HACD3: variants seen among roughly 807,000 people sequenced by gnomAD.
The protein encoded by HACD3 is 3-hydroxyacyl-CoA dehydratase 3.
HACD3 carries 30 observed loss-of-function variants against 55.2 expected under a neutral mutation model. The observed-to-expected ratio is 0.54, with a 90% CI of 0.41 to 0.74. The LOEUF (loss-of-function observed/expected upper bound fraction) is 0.74, where lower values mean the gene tolerates loss of function less well. Among genes scored for constraint, HACD3 ranks in the 30% least tolerant of loss-of-function variants. HACD3 has a pLI of 0.00. For synonymous variants in HACD3, 141 were observed against 151.7 expected, an observed-to-expected ratio of 0.93 and a Z score of 0.52; for missense variants, 363 against 440.1, an observed-to-expected ratio of 0.82 and a Z score of 1.57.
At chr15:65,547,836 A>G (rs2072092316) in intron 1 of HACD3, among the ~76,000 whole-genome samples, 1 of 152,212 alleles carries the variant, frequency 6.6e-6, no homozygotes, top group Non-Finnish European at 1.5e-5. Context: ...AGTTCACTTA[A>G]CAGTTATTGA....
intron 1 of HACD3, among the ~76,000 whole-genome samples, chr15:65,541,735 T>G (rs2072020832): frequency 6.6e-6 from 1 of 152,220 alleles, no homozygotes; most frequent in Admixed American, 6.5e-5. Flanking sequence ...TGGTATTCTT[T>G]GAAATTGTCT....
chr15:65,531,176 G>A (rs1238817857), intron 1 of HACD3: 1 of 146,406 alleles, frequency 6.8e-6, no homozygotes, highest in Non-Finnish European at 1.5e-5. Context: ...CAGGCCCCTC[G>A]GACGTTACTG....
At chr15:65,530,863 T>A in intron 1 of HACD3, 145 bp downstream of exon 1, 1 of 797,946 alleles carries the variant, frequency 1.3e-6, no homozygotes, top group Non-Finnish European at 1.9e-6. Context: ...TACGGCGTGC[T>A]GGCGCTTTTC....
At chr15:65,555,864 G>A (rs1191305603) in intron 3 of HACD3, among the ~76,000 whole-genome samples, 1 of 152,148 alleles carries the variant, frequency 6.6e-6, no homozygotes, top group Non-Finnish European at 1.5e-5. Context: ...AAATTTATAA[G>A]CTGAGGGTAA....
At chr15:65,533,913 G>A (rs1300343312) in intron 1 of HACD3, among the ~76,000 whole-genome samples, 5 of 151,904 alleles carry the variant, frequency 3.3e-5, no homozygotes, top group Admixed American at 6.6e-5. Flanking sequence ...TTAGCCAGGC[G>A]TGGTGGCGGG....
At chr15:65,575,170 A>C (rs1210086099) in intron 10 of HACD3, among the ~76,000 whole-genome samples, 1 of 151,524 alleles carries the variant, frequency 6.6e-6, no homozygotes, top group Non-Finnish European at 1.5e-5. Flanking sequence ...ATTTGTATAT[A>C]GGTCAAAGGA....
Position 65,558,747 on chromosome 15 carries a change from G to T in HACD3, c.421+16G>T. 1 of 1,594,924 alleles carries T rather than the reference G, an allele frequency of 6.3e-7. No individual in the cohort carries two copies. Among genetic ancestry groups the T allele is most frequent in the Non-Finnish European group, 8.5e-7 (1 of 1,169,844 alleles). On this transcript the variant is annotated intron_variant, in intron 5 of 10. Coordinates refer to ENST00000261875, the MANE Select transcript of HACD3 (RefSeq NM_016395.4). ...TCTCCTGAAAGTAAGTTGTGCTGCT[G>T]CCATGGTAGTTACCAGTTAACTTGT...
rs193186877 is a variant in HACD3, at chr15:65,569,708, G to A, written c.661-383G>A. ...GGGTGACGGAGCGAGACCCCGTCTCGATAAAAAAGAAAAGCCATGGAATTA... is the reference window on the plus strand; with the variant it reads ...GGGTGACGGAGCGAGACCCCGTCTCAATAAAAAAGAAAAGCCATGGAATTA... On this transcript the variant is annotated intron_variant, in intron 7 of 10. Transcript: ENST00000261875. Among the ~76,000 whole-genome samples, 46 of 152,014 alleles carry A rather than the reference G, an allele frequency of 3.0e-4. 1 individual carries two copies. In the East Asian group the frequency reaches 6.8e-3, roughly 22 times the overall value.
chr15:65,559,111 A>G (rs1390761461), intron 5 of HACD3, among the ~76,000 whole-genome samples: 1 of 152,244 alleles, frequency 6.6e-6, no homozygotes, highest in Admixed American at 6.5e-5. Context: ...CAAAGGCTGT[A>G]TGATACATAA....
intron 1 of HACD3, among the ~76,000 whole-genome samples, chr15:65,540,013 G>A (rs185511679): frequency 2.6e-5 from 4 of 152,180 alleles, no homozygotes; most frequent in Admixed American, 2.6e-4. Context: ...GAGGGAGAGG[G>A]CATTGGGATT....
intron 2 of HACD3, among the ~76,000 whole-genome samples, chr15:65,552,441 T>A (rs1209783737): frequency 6.6e-6 from 1 of 152,178 alleles, no homozygotes; most frequent in Non-Finnish European, 1.5e-5. Flanking sequence ...GTTCAAGTGA[T>A]TCTCGTGCCT....
At chr15:65,567,901 G>C (rs1183794800) in intron 7 of HACD3, among the ~76,000 whole-genome samples, 1 of 151,570 alleles carries the variant, frequency 6.6e-6, no homozygotes, top group African/African-American at 2.4e-5. Flanking sequence ...TGAATGGGGA[G>C]TTATTGTTTA....
rs1187637542 is a variant in HACD3, at chr15:65,576,364, G to GA, written c.1079dup (p.Ile361AspfsTer8). 1 of 1,600,358 alleles carries GA rather than the reference G, an allele frequency of 6.2e-7. No homozygotes were observed. The highest frequency in any genetic ancestry group is 8.5e-7 in the Non-Finnish European group (1 of 1,173,332). ...GCAGACGGCGCTATGGACAAAAAAA[G>GA]AAAAAGATCCACTAAAAAGAAAGAT... On this transcript the variant is annotated frameshift_variant, in exon 11 of 11. Coordinates refer to ENST00000261875, the MANE Select transcript of HACD3 (RefSeq NM_016395.4). LOFTEE classifies it high-confidence loss of function.
intron 1 of HACD3, among the ~76,000 whole-genome samples, chr15:65,542,900 C>T (rs931539542): frequency 1.3e-5 from 2 of 151,684 alleles, no homozygotes; most frequent in African/African-American, 2.4e-5. Context: ...ATGGGGAAAC[C>T]CTGTCTCTAC....
chr15:65,567,735 G>A (rs1423203218), intron 7 of HACD3, among the ~76,000 whole-genome samples: 2 of 152,040 alleles, frequency 1.3e-5, no homozygotes, highest in African/African-American at 4.8e-5. Context: ...AAATTCTCTC[G>A]TATGCTACAA....
At chr15:65,554,845 C>A in intron 2 of HACD3, 42 bp from the exon 3 acceptor site, 2 of 1,462,332 alleles carry the variant, frequency 1.4e-6, no homozygotes, top group Non-Finnish European at 1.9e-6. Context: ...GATGGCCTTG[C>A]TCTGCTCAAG....
chr15:65,574,227 G>A (rs2072378918), intron 10 of HACD3: 2 of 152,182 alleles, frequency 1.3e-5, no homozygotes, highest in South Asian at 4.1e-4. Context: ...CTGTCAGCTG[G>A]GGCTGCAGTT....
At chr15:65,574,211 G>A (rs2072378817) in intron 10 of HACD3, 1 of 152,248 alleles carries the variant, frequency 6.6e-6, no homozygotes, top group African/African-American at 2.4e-5. Context: ...TGAGGTTTCA[G>A]TTAGGCTGTC....
Position 65,554,897 on chromosome 15 carries a change from T to A in HACD3, c.141T>A (p.His47Gln), listed in dbSNP as rs1467914132. Residue 47 changes from histidine to glutamine, a missense_variant, in exon 3 of 11, where the codon CAT (histidine) becomes CAA (glutamine). Physicochemically the swap from His to Gln is conservative, Grantham distance 24. Coordinates refer to ENST00000261875, the MANE Select transcript of HACD3 (RefSeq NM_016395.4). ...TTTCTTTCTTTATAGCTCAAGGACA[T>A]GGTGCCAAAGGAGACAATGTCTATG... ...ENVLHFKAQG[H>Q]GAKGDNVYEF... is the part of the protein sequence containing the mutation. 2 of 1,611,838 alleles carry A rather than the reference T, an allele frequency of 1.2e-6. No individual in the cohort carries two copies. Among genetic ancestry groups the A allele is most frequent in the Admixed American group, 3.3e-5 (2 of 60,016 alleles).
Sources: gnomAD v4.1 joint callset for allele counts (sites outside exome capture counted in the v4.1 genomes callset) on GRCh38, gnomAD v4.1.1 for gene constraint, MANE v1.5 for transcripts, NCBI Gene and HGNC (gene_info 2026-07-23, HGNC 2026-07-21) for gene names.